Variants in PNMA6E observed in about 807,000 individuals in gnomAD.
The protein encoded by PNMA6E is paraneoplastic antigen Ma6E.
For synonymous variants in PNMA6E, 43 were observed against 17.1 expected, an observed-to-expected ratio of 2.52 and a Z score of -3.74; for missense variants, 78 against 50.8, an observed-to-expected ratio of 1.53 and a Z score of -1.63.
chrX:153,411,694 C>A, the PNMA6E span, among the ~76,000 whole-genome samples: 1 of 113,069 alleles, frequency 8.8e-6, no homozygotes, highest in South Asian at 3.5e-4. Context: ...CGGCTGCCCG[C>A]CGAGCCCAGG....
At chrX:153,408,155 T>C in the PNMA6E span, among the ~76,000 whole-genome samples, 3 of 112,591 alleles carry the variant, frequency 2.7e-5, no homozygotes, top group African/African-American at 9.7e-5. Context: ...GGAGGGACAG[T>C]GAGAACGGCA....
At position 153,396,910 on chromosome X, in the gene PNMA6E, T is replaced by C. The variant is rs1425964478; in HGVS notation, c.1940A>G (p.Lys647Arg). 1.0e-5 allele frequency: 3 copies of C among 296,302 alleles called. No homozygotes were observed. The highest frequency in any genetic ancestry group is 1.8e-5 in the Non-Finnish European group (3 of 169,981). The allele number at this position is 296,302 out of a possible 1,213,427, so 24.4% of individuals were successfully genotyped here. A position where few individuals can be genotyped will look rare whatever the true frequency, so the allele number is the denominator to read the frequency against. Residue 647 changes from lysine to arginine, a missense_variant, in exon 2 of 2, where the codon AAA becomes AGA. Coordinates refer to ENST00000445091, the MANE Select transcript of PNMA6E (RefSeq NM_001367770.1). ...AGGCCCCGGGGCCCTAGGAGCCTAT[T>C]TGCCCTGGGAGGACTTGGGCTGGCC... ...DEGQPKSSQG[K>R]
At chrX:153,404,092 C>T (rs1030221731), upstream of PNMA6E, 7 of 104,014 alleles carry the variant, frequency 6.7e-5, no homozygotes, top group Non-Finnish European at 1.4e-4. Context: ...ATCCTCCCAC[C>T]TCAGCCTCCC....
chrX:153,409,605 G>A, the PNMA6E span, among the ~76,000 whole-genome samples: 1 of 113,199 alleles, frequency 8.8e-6, no homozygotes. Flanking sequence ...GCGCTCTTCA[G>A]CTGACCGCGC....
chrX:153,412,610 G>A, the PNMA6E span, among the ~76,000 whole-genome samples: 2 of 112,019 alleles, frequency 1.8e-5, no homozygotes, highest in Non-Finnish European at 3.8e-5. Context: ...GTAAAAGAGC[G>A]AGGCATGTGG....
At chrX:153,404,476 G>T (rs2088867921), upstream of PNMA6E, among the ~76,000 whole-genome samples, 2 of 110,563 alleles carry the variant, frequency 1.8e-5, no homozygotes, top group African/African-American at 6.6e-5. Context: ...CCGAAGATGA[G>T]TCATTGTTTG....
the PNMA6E span, among the ~76,000 whole-genome samples, chrX:153,413,929 A>G: frequency 1.8e-5 from 2 of 112,125 alleles, no homozygotes; most frequent in Admixed American, 1.9e-4. Context: ...GCTGCACTTG[A>G]GTGCGGGTCT....
chrX:153,399,309 TTGTGTGTG>T (rs200672716), intron 1 of PNMA6E, among the ~76,000 whole-genome samples: 138 of 104,011 alleles, frequency 1.3e-3, no homozygotes, highest in Non-Finnish European at 2.5e-3. Flanking sequence ...CTCTTGTGTG[TTGTGTGTG>T]TGTGTGTGTG....
At chrX:153,409,032 G>A in the PNMA6E span, among the ~76,000 whole-genome samples, 3 of 112,939 alleles carry the variant, frequency 2.7e-5, no homozygotes, top group African/African-American at 3.2e-5. Flanking sequence ...TTGGGAGACC[G>A]GCTGCCAACC....
At chrX:153,408,290 G>C in the PNMA6E span, among the ~76,000 whole-genome samples, 1 of 112,553 alleles carries the variant, frequency 8.9e-6, no homozygotes, top group Admixed American at 9.3e-5. Flanking sequence ...GCCACCTCCT[G>C]GGGCAGGTGC....
At chrX:153,407,171 C>T in the PNMA6E span, among the ~76,000 whole-genome samples, 1 of 112,877 alleles carries the variant, frequency 8.9e-6, no homozygotes, top group African/African-American at 3.2e-5. Flanking sequence ...GGCACAGCCA[C>T]GCTCCAGCTC....
intron 1 of PNMA6E, among the ~76,000 whole-genome samples, chrX:153,399,310 T>G (rs782186447): frequency 6.4e-3 from 175 of 27,203 alleles, no homozygotes; most frequent in Non-Finnish European, 0.013. Flanking sequence ...TCTTGTGTGT[T>G]GTGTGTGTGT....
chrX:153,405,937 G>A (rs782077200), upstream of PNMA6E, among the ~76,000 whole-genome samples: 4 of 112,000 alleles, frequency 3.6e-5, no homozygotes, highest in Admixed American at 9.5e-5. Context: ...TACAGTGGCC[G>A]GTGAGATTTC....
the PNMA6E span, among the ~76,000 whole-genome samples, chrX:153,412,678 G>C: frequency 3.6e-5 from 4 of 111,849 alleles, no homozygotes; most frequent in Non-Finnish European, 5.6e-5. Context: ...AGGCCCTGAG[G>C]CAGGGGTGGC....
chrX:153,403,563 AG>A (rs1415761111), upstream of PNMA6E, among the ~76,000 whole-genome samples: 1 of 112,141 alleles, frequency 8.9e-6, no homozygotes, highest in Non-Finnish European at 1.9e-5. Flanking sequence ...CAGTAAGTCA[AG>A]GAACATCTAT....
At chrX:153,399,539 G>A in intron 1 of PNMA6E, among the ~76,000 whole-genome samples, 1 of 110,700 alleles carries the variant, frequency 9.0e-6, no homozygotes, top group Non-Finnish European at 1.9e-5. Context: ...GTAGAGAAGG[G>A]GTCTCACTAT....
At chrX:153,407,162 G>A in the PNMA6E span, among the ~76,000 whole-genome samples, 1 of 112,827 alleles carries the variant, frequency 8.9e-6, no homozygotes, top group Admixed American at 9.3e-5. Context: ...AAGAGGCCAG[G>A]CACAGCCACG....
chrX:153,406,280 G>A (rs1556972097), upstream of PNMA6E, among the ~76,000 whole-genome samples: 1 of 112,185 alleles, frequency 8.9e-6, no homozygotes, highest in African/African-American at 3.2e-5. Flanking sequence ...GGAACAGACT[G>A]GCTGATGGAA....
rs1556970698 is a variant in PNMA6E at position 153,398,082 on chromosome X, T to G, written c.768A>C (p.Ala256=). ...GAGEGRAAGE[A]GAAGEAGAVG... is the part of the protein sequence containing the mutation. Reference sequence around the variant, plus strand: ...CAGCTCCTGCCTCACCTGCTGCTCCTGCCTCACCTGCTGCTCTTCCCTCAC... The same window carrying G: ...CAGCTCCTGCCTCACCTGCTGCTCCGGCCTCACCTGCTGCTCTTCCCTCAC... The change falls in exon 2 of 2, where the codon GCA becomes GCC. Residue 256 remains alanine, a synonymous_variant. Transcript: ENST00000445091. 2.3e-6 allele frequency: 1 copy of G among 443,667 alleles called. No homozygotes were observed. Among genetic ancestry groups the G allele is most frequent in the African/African-American group, 2.5e-5 (1 of 40,057 alleles). The allele number at this position is 443,667 out of a possible 1,213,427, so 36.6% of individuals were successfully genotyped here. A position where few individuals can be genotyped will look rare whatever the true frequency, so the allele number is the denominator to read the frequency against.
Sources: allele counts gnomAD v4.1 joint callset (sites outside exome capture counted in the v4.1 genomes callset), GRCh38; gene constraint gnomAD v4.1.1; transcripts MANE v1.5; gene names NCBI Gene and HGNC (gene_info 2026-07-23, HGNC 2026-07-21).